Variants in SRGAP3 observed in about 807,000 individuals in gnomAD.
The protein encoded by SRGAP3 is SLIT-ROBO Rho GTPase-activating protein 3.
Under a neutral mutation model 121.1 loss-of-function variants are expected in SRGAP3, and 39 were observed. The observed-to-expected ratio is 0.32, with a 90% CI of 0.25 to 0.42. SRGAP3 has a LOEUF of 0.42. SRGAP3 is among the 10% of genes least tolerant of loss of function. SRGAP3 has a pLI of 1.00. For missense variants in SRGAP3, 1,213 were observed against 1,470.6 expected (o/e 0.82, Z 2.86); for synonymous variants, 601 against 570.0 (o/e 1.05, Z -0.77).
intron 1 of SRGAP3, among the ~76,000 whole-genome samples, chr3:9,221,926 C>T (rs1446135123): frequency 2.0e-5 from 3 of 152,180 alleles, no homozygotes; most frequent in Non-Finnish European, 4.4e-5. Flanking sequence ...GTCGGGGGAT[C>T]AAAGGATTCT....
chr3:9,126,200 T>A (rs1359557386), intron 1 of SRGAP3, among the ~76,000 whole-genome samples: 2 of 152,128 alleles, frequency 1.3e-5, no homozygotes, highest in African/African-American at 4.8e-5. Context: ...CCCTCTCCTT[T>A]CCTACCTCCC....
At chr3:9,108,180 G>A (rs964982720) in intron 2 of SRGAP3, among the ~76,000 whole-genome samples, 2 of 152,146 alleles carry the variant, frequency 1.3e-5, no homozygotes, top group Non-Finnish European at 2.9e-5. Flanking sequence ...AACCTGTCCT[G>A]TACACTAGAA....
intron 3 of SRGAP3, among the ~76,000 whole-genome samples, chr3:9,295,126 T>G (rs928531637): frequency 2.0e-5 from 3 of 152,336 alleles, no homozygotes; most frequent in African/African-American, 7.2e-5. Flanking sequence ...AAAGATCTTA[T>G]GGGTGCCATC....
At chr3:9,279,135 T>C (rs769011594) in intron 3 of SRGAP3, among the ~76,000 whole-genome samples, 3 of 152,044 alleles carry the variant, frequency 2.0e-5, no homozygotes, top group African/African-American at 4.8e-5. Flanking sequence ...ATATATCCAA[T>C]ACCCTAAACA....
chr3:9,091,131 A>G (rs1201409074), intron 3 of SRGAP3, among the ~76,000 whole-genome samples: 1 of 152,014 alleles, frequency 6.6e-6, no homozygotes, highest in African/African-American at 2.4e-5. Context: ...TCCCAATGAC[A>G]CCATCCTAAA....
Position 9,199,065 on chromosome 3 carries a change from C to G in SRGAP3, c.67+49820G>C, listed in dbSNP as rs533151835. ...CCTGTCCCCATCCAATATCTGCCCC[C>G]CCTTCCCATCCTTTTTAAGCCAGCT... On this transcript the variant is annotated intron_variant, in intron 1 of 21. Coordinates refer to ENST00000383836, the MANE Select transcript of SRGAP3 (RefSeq NM_014850.4). Among the ~76,000 whole-genome samples the G allele has an allele frequency of 2.8e-4, 42 of 152,264 alleles. 1 individual carries two copies. The South Asian group carries it at 4.6e-3, about 17-fold the overall frequency.
intron 1 of SRGAP3, among the ~76,000 whole-genome samples, chr3:9,151,521 T>C (rs1575150732): frequency 2.0e-5 from 3 of 151,688 alleles, no homozygotes; most frequent in Non-Finnish European, 4.4e-5. Context: ...ACTAACGAGA[T>C]GGGTTGGAAA....
chr3:9,009,412 T>G (rs1204327603), intron 18 of SRGAP3, among the ~76,000 whole-genome samples: 2 of 152,218 alleles, frequency 1.3e-5, no homozygotes, highest in African/African-American at 4.8e-5. Flanking sequence ...TAGGCCCTTT[T>G]GCCTGCATGG....
At chr3:9,044,158 A>G (rs1210629757) in intron 10 of SRGAP3, among the ~76,000 whole-genome samples, 1 of 152,156 alleles carries the variant, frequency 6.6e-6, no homozygotes, top group East Asian at 1.9e-4. Flanking sequence ...GCTGACCCAA[A>G]AGACCTTGGG....
intron 1 of SRGAP3, among the ~76,000 whole-genome samples, chr3:9,211,671 T>C (rs1283818858): frequency 2.7e-5 from 4 of 149,162 alleles, no homozygotes; most frequent in Admixed American, 6.7e-5. Flanking sequence ...TTTTCTTTTT[T>C]TTTTTTTTTT....
chr3:9,276,092 T>C (rs971458748), intron 3 of SRGAP3, among the ~76,000 whole-genome samples: 1 of 152,116 alleles, frequency 6.6e-6, no homozygotes, highest in Non-Finnish European at 1.5e-5. Flanking sequence ...TAAACATGTA[T>C]TGAATGAATG....
At chr3:9,267,502 T>C (rs1463936971) in intron 3 of SRGAP3, among the ~76,000 whole-genome samples, 4 of 152,102 alleles carry the variant, frequency 2.6e-5, no homozygotes, top group Non-Finnish European at 5.9e-5. Flanking sequence ...GTGGGTGCAG[T>C]TGAGGCTGTT....
intron 1 of SRGAP3, among the ~76,000 whole-genome samples, chr3:9,207,456 C>T (rs1952302963): frequency 6.6e-6 from 1 of 152,184 alleles, no homozygotes; most frequent in Admixed American, 6.5e-5. Context: ...AATCCCAACT[C>T]AGAGGTCTAT....
chr3:9,271,839 A>T (rs1954483772), intron 3 of SRGAP3, among the ~76,000 whole-genome samples: 1 of 152,162 alleles, frequency 6.6e-6, no homozygotes, highest in African/African-American at 2.4e-5. Context: ...ACAAATAGGT[A>T]CCCTGCACCT....
At chr3:9,262,534 CAAAAAA>C (rs765408588) in intron 3 of SRGAP3, among the ~76,000 whole-genome samples, 8 of 25,568 alleles carry the variant, frequency 3.1e-4, no homozygotes, top group Non-Finnish European at 5.3e-4. Flanking sequence ...AAATGGAAAG[CAAAAAA>C]AAAAAAAAAA....
chr3:9,342,818 A>G (rs1017854117), intron 1 of SRGAP3, among the ~76,000 whole-genome samples: 1 of 152,250 alleles, frequency 6.6e-6, no homozygotes, highest in Non-Finnish European at 1.5e-5. Flanking sequence ...GAGGAGGCAG[A>G]AGAACCTCCA....
At chr3:9,215,095 G>C (rs1360540531) in intron 1 of SRGAP3, among the ~76,000 whole-genome samples, 2 of 152,190 alleles carry the variant, frequency 1.3e-5, no homozygotes, top group Non-Finnish European at 2.9e-5. Context: ...GATACTGTGT[G>C]TCTATTTTAC....
chr3:9,273,931 A>G (rs1160612369), intron 3 of SRGAP3, among the ~76,000 whole-genome samples: 1 of 152,104 alleles, frequency 6.6e-6, no homozygotes, highest in Non-Finnish European at 1.5e-5. Context: ...TGGGCTCTCA[A>G]TTGTATTCCA....
rs1029337876 is a variant in SRGAP3, at chr3:9,261,891, A to T, written n.442+64119T>A. 1.5e-4 allele frequency among the ~76,000 whole-genome samples: 23 copies of T among 149,690 alleles called. 1 individual carries two copies. The highest frequency in any genetic ancestry group is 1.6e-4 in the Non-Finnish European group (11 of 66,714). ...CTCATATATTTAAAAAAAAAAAAAA[A>T]AAAAGACACATAATCCTCAGATTCA... On this transcript the variant is annotated intron_variant and non_coding_transcript_variant, in intron 3 of 3. Transcript: ENST00000490889.
Sources: allele counts gnomAD v4.1 joint callset (sites outside exome capture counted in the v4.1 genomes callset), GRCh38; gene constraint gnomAD v4.1.1; transcripts MANE v1.5; gene names NCBI Gene and HGNC (gene_info 2026-07-23, HGNC 2026-07-21).